Variants in ACSS1 observed in about 807,000 individuals in gnomAD.
ACSS1 encodes the protein acyl-CoA synthetase short chain family member 1, also known as acetyl-coenzyme A synthetase 2-like, mitochondrial.
ACSS1 carries 42 observed loss-of-function variants against 75.3 expected under a neutral mutation model. The observed-to-expected ratio is 0.56, with a 90% confidence interval of 0.44 to 0.72. The LOEUF is 0.72. ACSS1 is among the 30% of genes least tolerant of loss of function. The pLI is 0.00. For missense variants in ACSS1, 782 were observed against 935.7 expected, an observed-to-expected ratio of 0.84 and a Z score of 2.14; for synonymous variants, 380 against 376.8, an observed-to-expected ratio of 1.01 and a Z score of -0.10.
At chr20:25,023,984 G>A (rs536230755) in intron 3 of ACSS1, among the ~76,000 whole-genome samples, 1 of 152,250 alleles carries the variant, frequency 6.6e-6, no homozygotes, top group East Asian at 1.9e-4. Flanking sequence ...CAGGAAAGAG[G>A]CCATCATGCC....
At chr20:25,041,702 T>C (rs1185945645) in intron 2 of ACSS1, among the ~76,000 whole-genome samples, 2 of 118,940 alleles carry the variant, frequency 1.7e-5, no homozygotes, top group Non-Finnish European at 3.9e-5. Flanking sequence ...TCCAAAAATC[T>C]AATGGGTTTC....
At position 25,026,430 on chromosome 20, in the gene ACSS1, G is replaced by A. The variant is rs138385560; in HGVS notation, c.632-2789C>T. Reference sequence around the variant, plus strand: ...TTCCTTCCTCTTGGAGCCATGTGCTGCCATGTGACAAGCCTGACTGCTAAG... The same window carrying A: ...TTCCTTCCTCTTGGAGCCATGTGCTACCATGTGACAAGCCTGACTGCTAAG... On this transcript the variant is annotated intron_variant, in intron 3 of 13. Coordinates refer to ENST00000323482, the MANE Select transcript of ACSS1 (RefSeq NM_032501.4). 4.6e-3 allele frequency among the ~76,000 whole-genome samples: 707 copies of A among 152,278 alleles called. 8 individuals are homozygous for A. Among genetic ancestry groups the A allele is most frequent in the African/African-American group, 0.016 (647 of 41,558 alleles).
intron 3 of ACSS1, among the ~76,000 whole-genome samples, chr20:25,025,605 G>A (rs888116887): frequency 3.9e-5 from 6 of 152,320 alleles, no homozygotes; most frequent in African/African-American, 1.4e-4. Context: ...CTCCTATGTG[G>A]TGGCTCTGGG....
At chr20:25,008,277 C>T (rs976285576) in intron 13 of ACSS1, among the ~76,000 whole-genome samples, 18 of 152,244 alleles carry the variant, frequency 1.2e-4, no homozygotes, top group Non-Finnish European at 1.5e-5. Context: ...CTGGGTGCCT[C>T]ATCTCCATTC....
In ACSS1 at chr20:25,006,646, C is replaced by T; in HGVS notation, c.*1116G>A. The T allele has an allele frequency of 1.5e-6, 1 of 664,456 alleles. No individual in the cohort carries two copies. The highest frequency in any genetic ancestry group is 2.4e-6 in the Non-Finnish European group (1 of 414,430). 41.2% of individuals were successfully genotyped at this position (664,456 alleles called of 1,614,324 possible). A position where few individuals can be genotyped will look rare whatever the true frequency, so the allele number is the denominator to read the frequency against. On this transcript the variant is annotated 3_prime_UTR_variant, in exon 14 of 14. Coordinates refer to ENST00000323482, the MANE Select transcript of ACSS1 (RefSeq NM_032501.4). ...TCACTGGGCCTCCTTCCCCTGCCAA[C>T]CGCCAGCCCCTGCATGCCTAGCAGG... is the stretch of plus-strand genomic sequence containing the variant.
intron 1 of ACSS1, among the ~76,000 whole-genome samples, chr20:25,049,725 A>G (rs1052879098): frequency 1.3e-5 from 2 of 152,204 alleles, no homozygotes; most frequent in African/African-American, 4.8e-5. Context: ...AGCATCTCCC[A>G]TTATGGATGG....
At chr20:25,053,736 T>C (rs2089207272) in intron 1 of ACSS1, among the ~76,000 whole-genome samples, 1 of 152,124 alleles carries the variant, frequency 6.6e-6, no homozygotes, top group South Asian at 2.1e-4. Context: ...GGGCCTCTGT[T>C]CCTGCAATTA....
Position 25,058,098 on chromosome 20 carries a change from G to A in ACSS1, c.5C>T (p.Ala2Val), listed in dbSNP as rs1217272260. The A allele has an allele frequency of 4.0e-6, 5 of 1,248,574 alleles. No individual in the cohort carries two copies. Among genetic ancestry groups the A allele is most frequent in the Admixed American group, 4.3e-5 (1 of 23,266 alleles). 77.3% of individuals were successfully genotyped at this position (1,248,574 alleles called of 1,614,324 possible). Residue 2 changes from alanine to valine, a missense_variant, in exon 1 of 14, where the codon GCG becomes GTG. Ala to Val is a moderately conservative substitution (Grantham distance 64). This residue lies in a region of ACSS1 where 377 missense variants were observed against 383.1 expected (regional missense o/e 0.98). Transcript: ENST00000323482. ...GACGCCGCGGCCCAGGGTGCGCGCC[G>A]CCATCTAGGCAGGCTACCTGAGCTC... M[A>V]ARTLGRGVGR... is the part of the protein sequence containing the mutation.
At chr20:25,051,927 C>T (rs2122766135) in intron 1 of ACSS1, among the ~76,000 whole-genome samples, 1 of 152,312 alleles carries the variant, frequency 6.6e-6, no homozygotes, top group Admixed American at 6.5e-5. Context: ...TTGTTTCTGG[C>T]TGTGGGTCAG....
At chr20:25,007,967 G>C (rs2088339005) in intron 13 of ACSS1, 26 bp from the exon 14 acceptor site, 2 of 1,610,540 alleles carry the variant, frequency 1.2e-6, no homozygotes, top group African/African-American at 1.3e-5. Context: ...CACAGTGTTA[G>C]AGCGTGGATG....
intron 9 of ACSS1, 78 bp downstream of exon 9, chr20:25,013,883 A>G: frequency 1.4e-6 from 2 of 1,470,700 alleles, no homozygotes; most frequent in Non-Finnish European, 1.9e-6. Context: ...CTGGGCACAC[A>G]GGAGAGAGCT....
intron 9 of ACSS1, 101 bp from the exon 10 acceptor site, chr20:25,013,763 C>A: frequency 6.8e-7 from 1 of 1,470,812 alleles, no homozygotes; most frequent in Non-Finnish European, 9.0e-7. Flanking sequence ...CCATAGCTCT[C>A]CCCTCTGCCC....
intron 2 of ACSS1, 33 bp downstream of exon 2, chr20:25,048,052 C>G: frequency 6.2e-7 from 1 of 1,604,466 alleles, no homozygotes; most frequent in Non-Finnish European, 8.5e-7. Context: ...CTGGGCGCCT[C>G]CCTCGCACCT....
At chr20:25,014,121 G>T in intron 8 of ACSS1, 48 bp from the exon 9 acceptor site, 2 of 1,471,644 alleles carry the variant, frequency 1.4e-6, no homozygotes, top group Non-Finnish European at 1.8e-6. Context: ...CGGACCCAGG[G>T]ATACGTGTAT....
intron 8 of ACSS1, among the ~76,000 whole-genome samples, chr20:25,014,812 GCTC>G (rs1359529488): frequency 6.6e-6 from 1 of 152,186 alleles, no homozygotes; most frequent in Non-Finnish European, 1.5e-5. Context: ...CGGCCCCTGA[GCTC>G]CTGCTGCACA....
chr20:25,019,159 A>G (rs3746330), intron 7 of ACSS1, among the ~76,000 whole-genome samples: 50,571 of 152,214 alleles, frequency 0.33, 9,471 homozygotes, highest in African/African-American at 0.49. Context: ...ATGCTTCCCC[A>G]GTGAAAAGCC....
intron 2 of ACSS1, among the ~76,000 whole-genome samples, chr20:25,037,096 G>A (rs997357777): frequency 3.9e-5 from 6 of 152,162 alleles, no homozygotes; most frequent in African/African-American, 1.4e-4. Context: ...AATTATTCTG[G>A]CAGTCAGTAT....
intron 2 of ACSS1, among the ~76,000 whole-genome samples, chr20:25,032,192 C>T (rs1440499016): frequency 6.6e-6 from 1 of 152,236 alleles, no homozygotes; most frequent in East Asian, 1.9e-4. Flanking sequence ...TGTGCGCATG[C>T]CCTTCCTCTC....
chr20:25,032,152 T>C (rs1568840877), intron 2 of ACSS1, among the ~76,000 whole-genome samples: 2 of 152,180 alleles, frequency 1.3e-5, no homozygotes, highest in African/African-American at 2.4e-5. Flanking sequence ...CCAGCCCCCA[T>C]GTCGTCCACC....
Sources: allele counts gnomAD v4.1 joint callset (sites outside exome capture counted in the v4.1 genomes callset), GRCh38; gene constraint gnomAD v4.1.1; regional missense constraint gnomAD v4.1.1; transcripts MANE v1.5; gene names NCBI Gene and HGNC (gene_info 2026-07-23, HGNC 2026-07-21).